The following ASPH variants were observed in gnomAD, a reference collection of about 807,000 sequenced individuals.
ASPH encodes aspartate beta-hydroxylase.
Under a neutral mutation model 118.4 loss-of-function variants are expected in ASPH, and 100 were observed. The observed-to-expected ratio is 0.84, with a 90% CI of 0.72 to 1.00. ASPH has a LOEUF of 1.00. ASPH is among the 50% of genes least tolerant of loss of function. The probability of loss-of-function intolerance (pLI) is 0.00; values close to 1 mark genes in which losing one functional copy is unlikely to be tolerated. For synonymous variants in ASPH, 315 were observed against 325.6 expected (o/e 0.97, Z 0.35); for missense variants, 920 against 919.5 (o/e 1.00, Z -0.01).
At position 61,579,629 on chromosome 8, in the gene ASPH, T is replaced by C; in HGVS notation, c.1063-2771A>G. On this transcript the variant is annotated intron_variant, in intron 15 of 24. Transcript: ENST00000379454. ...TTGTGAAGAAGATCGAGACATGTGA[T>C]GGGAAGCTGGTGTCCGAGTCCTCTG... The C allele has an allele frequency of 5.9e-6, 9 of 1,517,220 alleles. No individual in the cohort carries two copies. In the South Asian group the frequency reaches 9.0e-5, roughly 15 times the overall value. The allele number at this position is 1,517,220 out of a possible 1,614,324, so 94.0% of individuals were successfully genotyped here.
intron 1 of ASPH, among the ~76,000 whole-genome samples, chr8:61,707,842 T>C (rs771610133): frequency 1.3e-5 from 2 of 152,218 alleles, no homozygotes; most frequent in Non-Finnish European, 2.9e-5. Context: ...ATACGTGCTA[T>C]ACAGTATATA....
rs1266019603 is a variant in ASPH, at chr8:61,503,494, G to A, written c.2142C>T (p.Gly714=). The part of the protein sequence containing the change: ...CANETKTWEE[G]KVLIFDDSFE... ...AGGAGTCATCAAAGATGAGCACCTT[G>A]CCTTCCTCCCAGGTCCTGCAGCAGA... Residue 714 remains glycine, a synonymous_variant, in exon 25 of 25, where the codon GGC becomes GGT. Coordinates refer to ENST00000379454, the MANE Select transcript of ASPH (RefSeq NM_004318.4). The A allele has an allele frequency of 6.2e-6, 10 of 1,611,444 alleles. No individual in the cohort carries two copies. In the East Asian group the frequency reaches 2.2e-4, roughly 36 times the overall value.
At chr8:61,629,939 G>GC (rs1854794923) in intron 13 of ASPH, among the ~76,000 whole-genome samples, 1 of 152,160 alleles carries the variant, frequency 6.6e-6, no homozygotes, top group South Asian at 2.1e-4. Flanking sequence ...GCCTTGCTGT[G>GC]CCTCAGTGTT....
intron 3 of ASPH, chr8:61,664,639 A>C: frequency 4.1e-6 from 4 of 986,102 alleles, no homozygotes; most frequent in Non-Finnish European, 4.8e-6. Flanking sequence ...AGAGAGTAAA[A>C]GACTTGGGGA....
intron 4 of ASPH, among the ~76,000 whole-genome samples, chr8:61,653,203 A>G (rs1395131954): frequency 6.6e-6 from 1 of 152,332 alleles, no homozygotes; most frequent in East Asian, 1.9e-4. Flanking sequence ...GATCTACTCT[A>G]TTAAATCACG....
At chr8:61,679,343 A>G (rs1826811336) in intron 3 of ASPH, among the ~76,000 whole-genome samples, 1 of 152,140 alleles carries the variant, frequency 6.6e-6, no homozygotes, top group Admixed American at 6.6e-5. Flanking sequence ...TCCTCACACT[A>G]TACCTGCAAA....
chr8:61,618,991 T>A lies in ASPH; in HGVS notation c.963A>T (p.Glu321Asp). ...TGACAATCTCACCTTTTGCTTTTTG[T>A]TCTGGATCATCTGTTTTTCTATTTG... is the stretch of plus-strand genomic sequence containing the variant. ...PETNRKTDDPEQKAKVKKKKP... is the reference protein window; with the variant it reads ...PETNRKTDDPDQKAKVKKKKP... The change falls in exon 14 of 25, where the codon GAA (glutamate) becomes GAT (aspartate). Residue 321 changes from glutamate (E) to aspartate (D), a missense_variant. Transcript: ENST00000379454. 6.2e-7 allele frequency: 1 copy of A among 1,605,918 alleles called. No homozygotes were observed. The highest frequency in any genetic ancestry group is 8.5e-7 in the Non-Finnish European group (1 of 1,173,474).
At chr8:61,680,209 T>G (rs1827364982) in intron 3 of ASPH, among the ~76,000 whole-genome samples, 1 of 151,806 alleles carries the variant, frequency 6.6e-6, no homozygotes, top group African/African-American at 2.4e-5. Flanking sequence ...TCATGCCATA[T>G]CCATTATTTT....
chr8:61,526,202 G>T, intron 21 of ASPH, 90 bp from the exon 22 acceptor site: 3 of 1,503,906 alleles, frequency 2.0e-6, no homozygotes, highest in Non-Finnish European at 2.7e-6. Context: ...GTTCGTCTCA[G>T]AAAGGAACTA....
At chr8:61,665,598 GTTCT>G (rs763943127) in intron 3 of ASPH, 2 of 1,562,100 alleles carry the variant, frequency 1.3e-6, no homozygotes, top group South Asian at 2.4e-5. Flanking sequence ...TCTTTAGTGA[GTTCT>G]TTAACTTTCA....
intron 17 of ASPH, among the ~76,000 whole-genome samples, chr8:61,563,509 A>G (rs1309020378): frequency 1.3e-5 from 2 of 152,302 alleles, no homozygotes; most frequent in East Asian, 3.9e-4. Flanking sequence ...ATAAAAGAAC[A>G]TGTGCAAAAA....
intron 1 of ASPH, among the ~76,000 whole-genome samples, chr8:61,699,798 G>A (rs1438893413): frequency 1.3e-5 from 2 of 152,224 alleles, no homozygotes; most frequent in East Asian, 3.9e-4. Flanking sequence ...GAGAATGCCT[G>A]TCAGAGACCA....
intron 21 of ASPH, among the ~76,000 whole-genome samples, chr8:61,529,737 G>T (rs1170651698): frequency 1.2e-4 from 19 of 152,210 alleles, no homozygotes. Context: ...CAGTTCTGGA[G>T]TATGAGAAGT....
At chr8:61,557,031 C>A (rs577392970) in intron 18 of ASPH, among the ~76,000 whole-genome samples, 57 of 152,324 alleles carry the variant, frequency 3.7e-4, no homozygotes, top group African/African-American at 1.3e-3. Flanking sequence ...GCCAACACTA[C>A]CTTCAAAATA....
chr8:61,567,756 T>G (rs1166398727), intron 16 of ASPH, among the ~76,000 whole-genome samples: 2 of 152,228 alleles, frequency 1.3e-5, no homozygotes, highest in African/African-American at 2.4e-5. Flanking sequence ...AAGCCCTTTT[T>G]GCTTCTACTT....
chr8:61,616,793 C>T (rs1298207376), intron 14 of ASPH, among the ~76,000 whole-genome samples: 1 of 152,226 alleles, frequency 6.6e-6, no homozygotes, highest in African/African-American at 2.4e-5. Flanking sequence ...ACGGCATGCT[C>T]TCCTGCTTTG....
At chr8:61,591,274 T>C (rs570763520) in intron 14 of ASPH, among the ~76,000 whole-genome samples, 9 of 152,232 alleles carry the variant, frequency 5.9e-5, no homozygotes, top group African/African-American at 2.2e-4. Context: ...AGCTGTCTTT[T>C]AAAAAATGAG....
chr8:61,508,296 G>GT (rs1807422662), intron 24 of ASPH, among the ~76,000 whole-genome samples: 1 of 152,128 alleles, frequency 6.6e-6, no homozygotes, highest in South Asian at 2.1e-4. Context: ...GATTACAGGT[G>GT]TGAGCCACTG....
At chr8:61,540,005 T>C (rs1456102530) in intron 21 of ASPH, among the ~76,000 whole-genome samples, 1 of 152,150 alleles carries the variant, frequency 6.6e-6, no homozygotes, top group East Asian at 1.9e-4. Flanking sequence ...ATTTCTATGT[T>C]AAATAAGCCC....
Sources: gnomAD v4.1 joint callset for allele counts (sites outside exome capture counted in the v4.1 genomes callset) on GRCh38, gnomAD v4.1.1 for gene constraint, MANE v1.5 for transcripts, NCBI Gene and HGNC (gene_info 2026-07-23, HGNC 2026-07-21) for gene names.